SUGCT: variants seen among roughly 807,000 people sequenced by gnomAD.
SUGCT encodes succinyl-CoA:glutarate CoA-transferase.
SUGCT carries 41 observed loss-of-function variants against 55.0 expected under a neutral mutation model. The ratio of observed to expected loss-of-function variants is 0.74; its 90% CI spans 0.58 to 0.97. SUGCT has a LOEUF of 0.97. SUGCT is among the 50% of genes least tolerant of loss of function. SUGCT has a pLI of 0.00. For missense variants in SUGCT, 568 were observed against 547.8 expected, an observed-to-expected ratio of 1.04 and a Z score of -0.37; for synonymous variants, 187 against 200.4, an observed-to-expected ratio of 0.93 and a Z score of 0.56.
chr7:40,437,332 A>G (rs539655763), intron 9 of SUGCT, among the ~76,000 whole-genome samples: 1 of 152,316 alleles, frequency 6.6e-6, no homozygotes, highest in Non-Finnish European at 1.5e-5. Context: ...TGAGCATTCC[A>G]ATTTCCTATT....
intron 11 of SUGCT, among the ~76,000 whole-genome samples, chr7:40,475,548 G>T (rs149934748): frequency 6.6e-6 from 1 of 152,106 alleles, no homozygotes; most frequent in Non-Finnish European, 1.5e-5. Flanking sequence ...AAACCATATT[G>T]GTGACTAATT....
intron 5 of SUGCT, among the ~76,000 whole-genome samples, chr7:40,194,317 A>G (rs1303744856): frequency 2.0e-5 from 3 of 152,202 alleles, no homozygotes; most frequent in Admixed American, 6.5e-5. Flanking sequence ...GCTGGAGTGC[A>G]GTGGCGCCAT....
intron 12 of SUGCT, among the ~76,000 whole-genome samples, chr7:40,510,744 T>G (rs1040272435): frequency 6.6e-6 from 1 of 152,086 alleles, no homozygotes; most frequent in Non-Finnish European, 1.5e-5. Flanking sequence ...ATTCATGAGG[T>G]CGTACAAAAA....
At chr7:40,689,931 C>T (rs779090982) in intron 12 of SUGCT, among the ~76,000 whole-genome samples, 6 of 152,182 alleles carry the variant, frequency 3.9e-5, no homozygotes, top group Non-Finnish European at 7.3e-5. Context: ...TAAATTACCA[C>T]TTAATAGGAT....
At chr7:40,827,304 T>C (rs1203724471) in intron 13 of SUGCT, among the ~76,000 whole-genome samples, 2 of 152,138 alleles carry the variant, frequency 1.3e-5, no homozygotes, top group African/African-American at 4.8e-5. Context: ...CCTGCTCTGA[T>C]ACATTCCACA....
chr7:40,336,008 T>C (rs963757004), intron 9 of SUGCT, among the ~76,000 whole-genome samples: 1 of 152,228 alleles, frequency 6.6e-6, no homozygotes, highest in African/African-American at 2.4e-5. Context: ...GAGATAGTCA[T>C]GTGGTTTTTG....
chr7:40,211,684 T>C (rs940855468), intron 6 of SUGCT, among the ~76,000 whole-genome samples: 1 of 152,126 alleles, frequency 6.6e-6, no homozygotes, highest in Non-Finnish European at 1.5e-5. Context: ...ATGAAGATGG[T>C]GGAGAGAAAG....
At chr7:40,681,634 A>C (rs1225504857) in intron 12 of SUGCT, among the ~76,000 whole-genome samples, 1 of 152,176 alleles carries the variant, frequency 6.6e-6, no homozygotes, top group African/African-American at 2.4e-5. Context: ...GGCAGGCACA[A>C]ATTTCAGGAA....
chr7:40,316,803 A>C lies in SUGCT; in HGVS notation c.764A>C (p.Gln255Pro). ...SHIAANYLIG[Q>P]KEAKRWGTAH... Reference sequence around the variant, plus strand: ...ATAGCTGCAAATTATCTTATTGGTCAAAAGGAAGCAAAACGTTGGGGTACA... The same window carrying C: ...ATAGCTGCAAATTATCTTATTGGTCCAAAGGAAGCAAAACGTTGGGGTACA... Residue 255 changes from glutamine to proline, a missense_variant, in exon 9 of 14, where the codon CAA becomes CCA. By Grantham distance (76) the Gln-to-Pro change is moderately conservative. Transcript: ENST00000335693. The C allele has an allele frequency of 6.2e-7, 1 of 1,602,916 alleles. No individual in the cohort carries two copies. The highest frequency in any genetic ancestry group is 1.1e-5 in the South Asian group (1 of 88,630).
intron 13 of SUGCT, among the ~76,000 whole-genome samples, chr7:40,758,769 G>A (rs996617971): frequency 6.6e-6 from 1 of 152,050 alleles, no homozygotes; most frequent in Non-Finnish European, 1.5e-5. Context: ...CATAGGAAGG[G>A]GGGCCCGAGG....
chr7:40,746,862 G>A (rs550513597), intron 12 of SUGCT, among the ~76,000 whole-genome samples: 122 of 152,164 alleles, frequency 8.0e-4, no homozygotes, highest in South Asian at 4.1e-4. Context: ...TTTGTCTTTC[G>A]TGAGTAGCAC....
intron 9 of SUGCT, among the ~76,000 whole-genome samples, chr7:40,368,215 T>C (rs906931227): frequency 1.3e-5 from 2 of 152,202 alleles, no homozygotes; most frequent in Admixed American, 1.3e-4. Context: ...TTATTTATTT[T>C]TGAGATGGAG....
At chr7:40,990,978 A>G in the SUGCT span, among the ~76,000 whole-genome samples, 1 of 152,214 alleles carries the variant, frequency 6.6e-6, no homozygotes, top group South Asian at 2.1e-4. Context: ...CATATCAGCA[A>G]TAAGTCATTT....
At chr7:40,729,524 T>C (rs1295362293) in intron 12 of SUGCT, among the ~76,000 whole-genome samples, 2 of 152,052 alleles carry the variant, frequency 1.3e-5, no homozygotes, top group Non-Finnish European at 2.9e-5. Context: ...TGGTGGTGAG[T>C]GGAAGCATAT....
chr7:40,142,539 C>A (rs1465722128), intron 1 of SUGCT, among the ~76,000 whole-genome samples: 1 of 152,166 alleles, frequency 6.6e-6, no homozygotes, highest in Admixed American at 6.5e-5. Flanking sequence ...GACACAGCAC[C>A]TGACAAGAGT....
At chr7:40,785,907 G>A (rs1403585085) in intron 13 of SUGCT, among the ~76,000 whole-genome samples, 1 of 152,030 alleles carries the variant, frequency 6.6e-6, no homozygotes, top group Non-Finnish European at 1.5e-5. Context: ...GGGCAACATA[G>A]TGAGACCTTG....
chr7:40,688,617 A>C (rs1257375975), intron 12 of SUGCT, among the ~76,000 whole-genome samples: 1 of 152,106 alleles, frequency 6.6e-6, no homozygotes, highest in Non-Finnish European at 1.5e-5. Flanking sequence ...TATTAAAGAC[A>C]ATATGAAAAA....
intron 7 of SUGCT, among the ~76,000 whole-genome samples, chr7:40,274,073 C>CTTTTTTTTTTTTTTTTT (rs386409972): frequency 2.9e-5 from 2 of 68,002 alleles, no homozygotes; most frequent in African/African-American, 5.9e-5. Flanking sequence ...TTTTTACCTT[C>CTTTTTTTTTTTTTTTTT]TTTTTTTTTT....
intron 13 of SUGCT, among the ~76,000 whole-genome samples, chr7:40,781,174 T>A (rs1295458776): frequency 6.6e-6 from 1 of 152,202 alleles, no homozygotes; most frequent in African/African-American, 2.4e-5. Context: ...AATGTATCAG[T>A]GTTGTTTATG....
Sources: gnomAD v4.1 joint callset for allele counts (sites outside exome capture counted in the v4.1 genomes callset) on GRCh38, gnomAD v4.1.1 for gene constraint, MANE v1.5 for transcripts, NCBI Gene and HGNC (gene_info 2026-07-23, HGNC 2026-07-21) for gene names.